Variants in MYT1L observed in about 807,000 individuals in gnomAD.
MYT1L encodes the protein myelin transcription factor 1-like protein.
Under a neutral mutation model 126.7 loss-of-function variants are expected in MYT1L, and 12 were observed. The observed-to-expected ratio is 0.09, with a 90% CI of 0.06 to 0.15. MYT1L has a LOEUF of 0.15. MYT1L is among the 10% of genes least tolerant of loss of function. The pLI is 1.00. For synonymous variants in MYT1L, 541 were observed against 604.2 expected (o/e 0.90, Z 1.53); for missense variants, 979 against 1,585.2 (o/e 0.62, Z 6.49).
intron 3 of MYT1L, among the ~76,000 whole-genome samples, chr2:2,118,551 T>C (rs1010170612): frequency 2.0e-5 from 3 of 152,194 alleles, no homozygotes; most frequent in African/African-American, 4.8e-5. Context: ...GTTACAAACA[T>C]AGAAGGGTTA....
At chr2:2,036,764 C>T (rs887669126) in intron 4 of MYT1L, among the ~76,000 whole-genome samples, 1 of 152,242 alleles carries the variant, frequency 6.6e-6, no homozygotes, top group Non-Finnish European at 1.5e-5. Flanking sequence ...CATTCCAGCA[C>T]CTTGGCATTC....
In MYT1L at chr2:2,059,591, A is replaced by G. The variant is rs551641558; in HGVS notation, c.-303-5468T>C. Among the ~76,000 whole-genome samples the G allele has an allele frequency of 6.6e-6, 1 of 152,194 alleles. No individual in the cohort carries two copies. The highest frequency in any genetic ancestry group is 1.5e-5 in the Non-Finnish European group (1 of 68,028). On this transcript the variant is annotated intron_variant, in intron 3 of 24. Coordinates refer to ENST00000647738, the MANE Select transcript of MYT1L (RefSeq NM_001303052.2). The surrounding 1 kb of genome is among the most constrained non-coding windows in gnomAD (Gnocchi z 4.7). ...AGGCCTTGCACCAAAGCACAAACGG[A>G]CGCAGGACTGCAGTTCGGCAGGGGG... is the stretch of plus-strand genomic sequence containing the variant.
chr2:1,866,547 A>AGGAGAGAGGGAGAGGGAAGG (rs2045509222), intron 18 of MYT1L, among the ~76,000 whole-genome samples: 2 of 97,364 alleles, frequency 2.1e-5, no homozygotes, highest in South Asian at 8.7e-4. Flanking sequence ...GAGAGAGGCA[A>AGGAGAGAGGGAGAGGGAAGG]GGAGAGAGGG....
chr2:2,238,016 G>A (rs10469994), intron 2 of MYT1L, among the ~76,000 whole-genome samples: 5 of 152,196 alleles, frequency 3.3e-5, no homozygotes, highest in African/African-American at 7.2e-5. Flanking sequence ...ACAGAAAGGC[G>A]CGTTATGATT....
intron 21 of MYT1L, chr2:1,826,123 G>A (rs1254306654): frequency 1.3e-5 from 2 of 152,342 alleles, no homozygotes; most frequent in African/African-American, 4.8e-5. Flanking sequence ...AGCTCCAGGG[G>A]GGACGCCACC....
In MYT1L at chr2:2,228,888, A is replaced by G. The variant is rs2094087851; in HGVS notation, c.-421+55516T>C. Among the ~76,000 whole-genome samples, 2 of 152,162 alleles carry G rather than the reference A, an allele frequency of 1.3e-5. No homozygotes were observed. Among genetic ancestry groups the G allele is most frequent in the African/African-American group, 2.4e-5 (1 of 41,430 alleles). Reference sequence around the variant, plus strand: ...TTAGCACATATTAACAATCTTTTTAAAAAATACAGGACAAGGGCAAGTTAA... The same window carrying G: ...TTAGCACATATTAACAATCTTTTTAGAAAATACAGGACAAGGGCAAGTTAA... On this transcript the variant is annotated intron_variant, in intron 2 of 24. Transcript: ENST00000647738. The surrounding 1 kb of genome is among the most constrained non-coding windows in gnomAD (Gnocchi z 5.9).
rs1372627035 is a variant in MYT1L at position 1,922,455 on chromosome 2, G to A, written c.1314C>T (p.Ile438=). Residue 438 remains isoleucine (I), a synonymous_variant, in exon 10 of 25, where the codon ATC becomes ATT. Coordinates refer to ENST00000647738, the MANE Select transcript of MYT1L (RefSeq NM_001303052.2). The surrounding 1 kb of genome is among the most constrained non-coding windows in gnomAD (Gnocchi z 7.4). ...CCTTTGCTCTTTCCGTTTCCAAAGC[G>A]ATGGCTTTCTCCAGCAGGGTCAGGT... ...KGNLTLLEKA[I]ALETERAKAM... 6 of 1,613,736 alleles carry A rather than the reference G, an allele frequency of 3.7e-6. No homozygotes were observed. Among genetic ancestry groups the A allele is most frequent in the African/African-American group, 2.7e-5 (2 of 74,854 alleles).
At chr2:2,182,364 C>T (rs1275966385) in intron 2 of MYT1L, among the ~76,000 whole-genome samples, 1 of 152,192 alleles carries the variant, frequency 6.6e-6, no homozygotes, top group Non-Finnish European at 1.5e-5. Flanking sequence ...TTTATAAGTG[C>T]AAATGATTCT....
chr2:2,179,993 G>A (rs113175889), intron 2 of MYT1L, among the ~76,000 whole-genome samples: 2 of 152,228 alleles, frequency 1.3e-5, no homozygotes, highest in African/African-American at 2.4e-5. Context: ...TCATCCTCTC[G>A]CTGATCCGTT....
At chr2:1,895,363 A>C (rs1275141918) in intron 14 of MYT1L, among the ~76,000 whole-genome samples, 1 of 152,238 alleles carries the variant, frequency 6.6e-6, no homozygotes, top group Non-Finnish European at 1.5e-5. Flanking sequence ...AATGATTCTA[A>C]AATTTCTATG....
chr2:1,875,679 C>T (rs1054977318), intron 18 of MYT1L, among the ~76,000 whole-genome samples: 4 of 152,174 alleles, frequency 2.6e-5, no homozygotes, highest in African/African-American at 7.2e-5. Context: ...GTCCGGGGAT[C>T]GATGAGCGGA....
intron 9 of MYT1L, among the ~76,000 whole-genome samples, chr2:1,926,265 A>AG (rs1375262132): frequency 6.6e-6 from 1 of 152,144 alleles, no homozygotes; most frequent in Non-Finnish European, 1.5e-5. Flanking sequence ...GGGCTCATGG[A>AG]GGGGAACAGC....
chr2:1,935,743 C>T (rs1269847544), intron 9 of MYT1L, among the ~76,000 whole-genome samples: 1 of 152,176 alleles, frequency 6.6e-6, no homozygotes, highest in Non-Finnish European at 1.5e-5. Context: ...CGTGGATAAA[C>T]CAGAACTTGG....
chr2:2,018,107 G>C (rs1309454488), intron 4 of MYT1L, among the ~76,000 whole-genome samples: 3 of 152,170 alleles, frequency 2.0e-5, no homozygotes, highest in Non-Finnish European at 4.4e-5. Context: ...GCATAAAGAA[G>C]ACAGTATAGA....
intron 2 of MYT1L, among the ~76,000 whole-genome samples, chr2:2,219,352 C>T (rs1441326642): frequency 1.3e-5 from 2 of 152,160 alleles, no homozygotes; most frequent in Non-Finnish European, 2.9e-5. Flanking sequence ...AGGTGAGACA[C>T]TGCCTCCAGC....
At chr2:2,016,810 A>G (rs1024743142) in intron 4 of MYT1L, among the ~76,000 whole-genome samples, 2 of 152,270 alleles carry the variant, frequency 1.3e-5, no homozygotes, top group African/African-American at 4.8e-5. Flanking sequence ...AGCTACCAGT[A>G]CATGCATCTA....
intron 1 of MYT1L, among the ~76,000 whole-genome samples, chr2:2,290,678 T>A (rs1467818911): frequency 6.6e-6 from 1 of 152,188 alleles, no homozygotes; most frequent in Non-Finnish European, 1.5e-5. Context: ...ACAACATGGT[T>A]TAAAGATGTG....
chr2:2,114,365 G>A (rs140151217), intron 3 of MYT1L, among the ~76,000 whole-genome samples: 132 of 152,316 alleles, frequency 8.7e-4, no homozygotes, highest in African/African-American at 3.0e-3. Context: ...GTTCTGGGGA[G>A]TCCGTCCTAT....
intron 10 of MYT1L, among the ~76,000 whole-genome samples, chr2:1,918,951 A>G (rs951500075): frequency 1.3e-5 from 2 of 152,362 alleles, no homozygotes; most frequent in East Asian, 1.9e-4. Flanking sequence ...CACTACAAAT[A>G]TAAAGTAGTA....
Sources: gnomAD v4.1 joint callset for allele counts (sites outside exome capture counted in the v4.1 genomes callset) on GRCh38, gnomAD v4.1.1 for gene constraint, Gnocchi (gnomAD v3.1) non-coding constraint, MANE v1.5 for transcripts, NCBI Gene and HGNC (gene_info 2026-07-23, HGNC 2026-07-21) for gene names.